LOXHD1: variants seen among roughly 807,000 people sequenced by gnomAD.
The protein encoded by LOXHD1 is lipoxygenase homology domain-containing protein 1.
Under a neutral mutation model 248.2 loss-of-function variants are expected in LOXHD1, and 205 were observed. The observed-to-expected ratio is 0.83, with a 90% CI of 0.74 to 0.93. LOXHD1 has a LOEUF of 0.93. Among genes scored for constraint, LOXHD1 ranks in the 40% least tolerant of loss-of-function variants. The pLI is 0.00. For missense variants in LOXHD1, 2,930 were observed against 2,971.6 expected (o/e 0.99, Z 0.33); for synonymous variants, 1,113 against 1,162.8 (o/e 0.96, Z 0.87).
rs3017405 is a variant in LOXHD1, at chr18:46,625,407, C to T, written c.512-7117G>A. On this transcript the variant is annotated intron_variant, in intron 4 of 40. Coordinates refer to ENST00000642948, the MANE Select transcript of LOXHD1 (RefSeq NM_001384474.1). ...ACATTCTACAGCAGTGGCATCCAGT[C>T]TTTTGGCTTCCCTGGGCCACACTGG... 5.9e-3 allele frequency among the ~76,000 whole-genome samples: 745 copies of T among 126,418 alleles called. 11 individuals carry two copies. Among genetic ancestry groups the T allele is most frequent in the African/African-American group, 0.02 (728 of 36,446 alleles). The allele number at this position is 126,418 out of a possible 152,430, so 82.9% of individuals were successfully genotyped here.
intron 4 of LOXHD1, among the ~76,000 whole-genome samples, chr18:46,634,546 TTG>T: frequency 6.6e-6 from 1 of 152,226 alleles, no homozygotes; most frequent in Non-Finnish European, 1.5e-5. Context: ...AAAATTATCT[TTG>T]GGCTACATGT....
In LOXHD1 at chr18:46,507,599, A is replaced by G. The variant is rs1346702916; in HGVS notation, c.5631T>C (p.Asp1877=). ...AGGTCCACTCCATCATTTCTTCCTC[A>G]TCGATAACGGCACACATTTCACACA... is the stretch of plus-strand genomic sequence containing the variant. The part of the protein sequence containing the change: ...TLVCEMCAVI[D]EEEMMEWTSY... Residue 1877 remains aspartate, a synonymous_variant, in exon 36 of 41, where the codon GAT becomes GAC. Coordinates refer to ENST00000642948, the MANE Select transcript of LOXHD1 (RefSeq NM_001384474.1). 1 of 1,551,614 alleles carries G rather than the reference A, an allele frequency of 6.4e-7. No individual in the cohort carries two copies. The highest frequency in any genetic ancestry group is 2.0e-5 in the Admixed American group (1 of 50,982).
chr18:46,633,526 A>C (rs1481904332), intron 4 of LOXHD1, among the ~76,000 whole-genome samples: 1 of 152,236 alleles, frequency 6.6e-6, no homozygotes, highest in Non-Finnish European at 1.5e-5. Flanking sequence ...TTCTTAGAAG[A>C]AAACATGGGA....
At chr18:46,483,982 G>A (rs188458638) in intron 39 of LOXHD1, among the ~76,000 whole-genome samples, 2 of 152,132 alleles carry the variant, frequency 1.3e-5, no homozygotes, top group Admixed American at 6.5e-5. Context: ...TGGTGACATC[G>A]TTATGCAGGA....
Position 46,566,237 on chromosome 18 carries a change from C to CA in LOXHD1, c.2437+19dup. The CA allele has an allele frequency of 6.5e-7, 1 of 1,534,864 alleles. No individual in the cohort carries two copies. Among genetic ancestry groups the CA allele is most frequent in the African/African-American group, 1.4e-5 (1 of 72,948 alleles). On this transcript the variant is annotated intron_variant, in intron 17 of 40. Coordinates refer to ENST00000642948, the MANE Select transcript of LOXHD1 (RefSeq NM_001384474.1). ...CCCCATGGGAAACAATGGGTGGTCC[C>CA]ACCACAGCCTCCTCCATACATTTCT... is the stretch of plus-strand genomic sequence containing the variant.
rs541149778 is a variant in LOXHD1, at chr18:46,569,641, G to A, written c.2048-3C>T. 6 of 1,550,270 alleles carry A rather than the reference G, an allele frequency of 3.9e-6. No homozygotes were observed. The highest frequency in any genetic ancestry group is 1.7e-4 in the Middle Eastern group (1 of 5,964). On this transcript the variant is annotated splice_polypyrimidine_tract_variant and splice_region_variant and intron_variant, in intron 15 of 40. Transcript: ENST00000642948. Reference sequence around the variant, plus strand: ...CAAGCTGATGTGATAGCGAAAGTCTGAACAGCCCAAGGCAGAGGGAGGAAG... The same window carrying A: ...CAAGCTGATGTGATAGCGAAAGTCTAAACAGCCCAAGGCAGAGGGAGGAAG...
intron 34 of LOXHD1, among the ~76,000 whole-genome samples, chr18:46,514,487 T>C (rs1479873424): frequency 6.6e-6 from 1 of 152,208 alleles, no homozygotes; most frequent in Non-Finnish European, 1.5e-5. Flanking sequence ...CAGAGCTTTA[T>C]TGCTAAAAAG....
At chr18:46,523,195 C>T (rs1441629696) in intron 31 of LOXHD1, among the ~76,000 whole-genome samples, 5 of 152,164 alleles carry the variant, frequency 3.3e-5, no homozygotes, top group African/African-American at 9.7e-5. Context: ...GATCTGCCCA[C>T]CTTGGCCTCC....
intron 12 of LOXHD1, among the ~76,000 whole-genome samples, chr18:46,585,779 G>A (rs1408338405): frequency 1.3e-5 from 2 of 152,106 alleles, no homozygotes; most frequent in Non-Finnish European, 1.5e-5. Context: ...GTGTTGACAA[G>A]GATGTAGAAA....
At chr18:46,480,940 T>C (rs2143486125) in intron 40 of LOXHD1, among the ~76,000 whole-genome samples, 1 of 152,318 alleles carries the variant, frequency 6.6e-6, no homozygotes. Context: ...ATAAGGTCTT[T>C]TTGTATGACC....
At chr18:46,589,276 A>G (rs2038120752) in intron 12 of LOXHD1, among the ~76,000 whole-genome samples, 1 of 152,142 alleles carries the variant, frequency 6.6e-6, no homozygotes. Flanking sequence ...CCTGTGATCA[A>G]TCCATCAGCT....
Position 46,477,872 on chromosome 18 carries a change from G to C in LOXHD1, c.6422C>G (p.Thr2141Arg). The C allele has an allele frequency of 6.4e-7, 1 of 1,551,770 alleles. No homozygotes were observed. Among genetic ancestry groups the C allele is most frequent in the Non-Finnish European group, 8.7e-7 (1 of 1,147,010 alleles). ...CTGGACCTTGCTGGCAAAGCTCTCT[G>C]TCGTCTTGGTAACCTCGAATACCTT... ...YFKVFEVTKT[T>R]ESFASKVQSL... The change falls in exon 41 of 41, where the codon ACA becomes AGA. Residue 2141 changes from threonine to arginine, a missense_variant. Physicochemically the swap from Thr to Arg is moderately conservative, Grantham distance 71 (BLOSUM62 -1). Coordinates refer to ENST00000642948, the MANE Select transcript of LOXHD1 (RefSeq NM_001384474.1).
intron 19 of LOXHD1, 35 bp downstream of exon 19, chr18:46,560,048 T>TGCCTTCCCCC: frequency 4.1e-6 from 5 of 1,226,296 alleles, no homozygotes; most frequent in Non-Finnish European, 5.6e-6. Context: ...GTCTGGCCAC[T>TGCCTTCCCCC]CCCTCCCCAC....
Position 46,569,457 on chromosome 18 carries a change from G to C in LOXHD1, c.2229C>G (p.Thr743=). Residue 743 remains threonine (T), a synonymous_variant, in exon 16 of 41, where the codon ACC becomes ACG. Coordinates refer to ENST00000642948, the MANE Select transcript of LOXHD1 (RefSeq NM_001384474.1). ...GGAGACTTACATTTCCAATGTTCAG[G>C]GTCTCGAGGGTGAACTCATCCACCC... is the stretch of plus-strand genomic sequence containing the variant. ...RGRVDEFTLE[T]LNIGNINRLV... is the part of the protein sequence containing the mutation. 6 of 1,552,070 alleles carry C rather than the reference G, an allele frequency of 3.9e-6. No individual in the cohort carries two copies. Among genetic ancestry groups the C allele is most frequent in the Non-Finnish European group, 5.2e-6 (6 of 1,147,032 alleles).
intron 23 of LOXHD1, among the ~76,000 whole-genome samples, chr18:46,543,079 G>A (rs1200420098): frequency 6.6e-6 from 1 of 152,288 alleles, no homozygotes; most frequent in African/African-American, 2.4e-5. Context: ...TTACATGGGT[G>A]AGTTAGTAGT....
At chr18:46,576,375 C>A (rs2144124764) in intron 14 of LOXHD1, among the ~76,000 whole-genome samples, 1 of 152,190 alleles carries the variant, frequency 6.6e-6, no homozygotes, top group Admixed American at 6.5e-5. Flanking sequence ...CACACTCCAC[C>A]CTCTCCCACC....
rs1360724925 is a variant in LOXHD1, at chr18:46,641,949, T to C, written c.326+7A>G. The C allele has an allele frequency of 6.4e-7, 1 of 1,550,972 alleles. No individual in the cohort carries two copies. The highest frequency in any genetic ancestry group is 8.7e-7 in the Non-Finnish European group (1 of 1,146,084). On this transcript the variant is annotated splice_region_variant and intron_variant, in intron 3 of 40. Transcript: ENST00000642948. ...CCCTCAATCCTAGTCAGGCGCCAGC[T>C]TCTCACCTGACTTTATAGATGAGGC...
chr18:46,621,044 T>C (rs2038662142), intron 4 of LOXHD1, among the ~76,000 whole-genome samples: 1 of 152,074 alleles, frequency 6.6e-6, no homozygotes, highest in Non-Finnish European at 1.5e-5. Context: ...CCAGCTGAGG[T>C]GGACAAGGGA....
intron 37 of LOXHD1, among the ~76,000 whole-genome samples, chr18:46,493,218 C>T (rs1179801132): frequency 1.3e-5 from 2 of 152,168 alleles, no homozygotes; most frequent in African/African-American, 4.8e-5. Context: ...ACTATATTCC[C>T]CAGGTTCTGA....
Sources: allele counts gnomAD v4.1 joint callset (sites outside exome capture counted in the v4.1 genomes callset), GRCh38; gene constraint gnomAD v4.1.1; transcripts MANE v1.5; gene names NCBI Gene and HGNC (gene_info 2026-07-23, HGNC 2026-07-21).